XKRX: variants seen among roughly 807,000 people sequenced by gnomAD.
The protein encoded by XKRX is XK-related protein 2.
Under a neutral mutation model 22.4 loss-of-function variants are expected in XKRX, and 11 were observed. The ratio of observed to expected loss-of-function variants is 0.49; its 90% CI spans 0.31 to 0.81. The LOEUF (loss-of-function observed/expected upper bound fraction) is 0.81. Ranked by LOEUF, XKRX falls within the 40% of genes least tolerant of loss-of-function variation. The pLI is 0.05. For synonymous variants in XKRX, 114 were observed against 132.2 expected (o/e 0.86, Z 0.94); for missense variants, 320 against 336.5 (o/e 0.95, Z 0.38).
At chrX:100,937,608 C>T in the XKRX span, among the ~76,000 whole-genome samples, 6 of 111,628 alleles carry the variant, frequency 5.4e-5, no homozygotes, top group African/African-American at 2.0e-4. Flanking sequence ...TATCCATCAT[C>T]CTAGTGTTGA....
Position 100,915,088 on chromosome X carries a change from T to TAAAAAC in XKRX, c.605-11_605-6dup, listed in dbSNP as rs57280405. On this transcript the variant is annotated splice_region_variant and splice_polypyrimidine_tract_variant and intron_variant, in intron 2 of 2. Coordinates refer to ENST00000372956, the MANE Select transcript of XKRX (RefSeq NM_212559.3). Reference sequence around the variant, plus strand: ...GGGAAAATACCATTAGCACAACTGTTAAAAACAAAAACAAAAACAAAAACA... The same window carrying TAAAAAC: ...GGGAAAATACCATTAGCACAACTGTTAAAAACAAAAACAAAAACAAAAACAAAAACA... The TAAAAAC allele has an allele frequency of 3.1e-4, 368 of 1,198,576 alleles. No individual in the cohort carries two copies. The highest frequency in any genetic ancestry group is 3.1e-4 in the Non-Finnish European group (278 of 889,784).
the XKRX span, among the ~76,000 whole-genome samples, chrX:100,889,796 G>A: frequency 1.8e-5 from 2 of 111,540 alleles, no homozygotes; most frequent in East Asian, 5.6e-4. Flanking sequence ...TTGAGCCCAG[G>A]AGTTTGGGAC....
At chrX:100,958,057 CTCAA>C in the XKRX span, among the ~76,000 whole-genome samples, 12 of 111,704 alleles carry the variant, frequency 1.1e-4, no homozygotes, top group Non-Finnish European at 1.7e-4. Flanking sequence ...ATCTGAAATC[CTCAA>C]TCAATCAATC....
At chrX:100,923,837 CTTT>C (rs745938618) in intron 1 of XKRX, among the ~76,000 whole-genome samples, 5 of 88,141 alleles carry the variant, frequency 5.7e-5, no homozygotes, top group Admixed American at 4.2e-4. Context: ...TTCTTTCTTT[CTTT>C]TTTTTTTTTT....
upstream of XKRX, among the ~76,000 whole-genome samples, chrX:100,930,331 G>GATT (rs2085517356): frequency 9.3e-6 from 1 of 107,946 alleles, no homozygotes; most frequent in South Asian, 4.0e-4. Context: ...TAATAATGAT[G>GATT]ATTATGTAGC....
intron 2 of XKRX, among the ~76,000 whole-genome samples, chrX:100,922,545 T>C (rs773101821): frequency 2.4e-4 from 27 of 112,596 alleles, no homozygotes; most frequent in African/African-American, 8.7e-4. Context: ...CTCCCAGTGC[T>C]GTCCGATAGA....
At chrX:100,948,018 T>C in the XKRX span, among the ~76,000 whole-genome samples, 1 of 107,734 alleles carries the variant, frequency 9.3e-6, no homozygotes, top group South Asian at 4.2e-4. Flanking sequence ...TCCTCTTACC[T>C]CAGCCTCCCA....
chrX:100,917,636 A>AAGAAAGAAAGAAAGAAAGAAAGAAAG, intron 2 of XKRX, among the ~76,000 whole-genome samples: 1 of 49,862 alleles, frequency 2.0e-5, no homozygotes, highest in African/African-American at 1.1e-4. Flanking sequence ...GAAAGAAAGA[A>AAGAAAGAAAGAAAGAAAGAAAGAAAG]GAAAGAAAGA....
At position 100,928,194 on chromosome X, in the gene XKRX, G is replaced by A. The variant is rs1345384331; in HGVS notation, c.111C>T (p.Ile37=). The A allele has an allele frequency of 8.3e-7, 1 of 1,210,211 alleles. No individual in the cohort carries two copies. Among genetic ancestry groups the A allele is most frequent in the African/African-American group, 1.7e-5 (1 of 57,219 alleles). The part of the protein sequence containing the change: ...ANPRFTFPFS[I]LFSTFLYCGE... ...CACAGTACAAAAAGGTGGAGAAAAG[G>A]ATGCTAAATGGAAAAGTAAATCGGG... Residue 37 remains isoleucine (I), a synonymous_variant, in exon 1 of 3, where the codon ATC becomes ATT. Transcript: ENST00000372956.
At chrX:100,901,415 A>G in the XKRX span, among the ~76,000 whole-genome samples, 1 of 111,728 alleles carries the variant, frequency 9.0e-6, no homozygotes, top group Admixed American at 9.6e-5. Flanking sequence ...TAATAATAAA[A>G]TGGTCAATTC....
chrX:100,944,955 A>G, the XKRX span, among the ~76,000 whole-genome samples: 2 of 111,815 alleles, frequency 1.8e-5, no homozygotes, highest in Non-Finnish European at 3.8e-5. Context: ...AGTGTTAAAG[A>G]GCATAGAAGG....
the XKRX span, among the ~76,000 whole-genome samples, chrX:100,907,480 G>A: frequency 8.5e-3 from 948 of 112,092 alleles, 8 homozygotes; most frequent in Non-Finnish European, 0.013. Context: ...GATTACAGGC[G>A]TGAGCCACCA....
At chrX:100,957,526 A>G in the XKRX span, 2 of 1,143,065 alleles carry the variant, frequency 1.7e-6, no homozygotes, top group Non-Finnish European at 2.4e-6. Context: ...ACAAACAGCG[A>G]AGCTGTTGGT....
At chrX:100,940,861 A>T in the XKRX span, among the ~76,000 whole-genome samples, 1 of 111,642 alleles carries the variant, frequency 9.0e-6, no homozygotes, top group African/African-American at 3.3e-5. Flanking sequence ...TCCCAATATG[A>T]GTGCTCTATT....
chrX:100,940,327 A>G, the XKRX span, among the ~76,000 whole-genome samples: 1 of 111,882 alleles, frequency 8.9e-6, no homozygotes, highest in Non-Finnish European at 1.9e-5. Context: ...TGAACCAAGG[A>G]AGTCAGGCTT....
the XKRX span, among the ~76,000 whole-genome samples, chrX:100,891,484 A>G: frequency 9.0e-6 from 1 of 111,268 alleles, no homozygotes; most frequent in African/African-American, 3.3e-5. Flanking sequence ...TAATGGCATA[A>G]AAAAGACATA....
intron 2 of XKRX, among the ~76,000 whole-genome samples, chrX:100,916,109 A>ACG (rs1230352579): frequency 9.2e-6 from 1 of 108,404 alleles, no homozygotes; most frequent in Non-Finnish European, 1.9e-5. Context: ...ACACACACAC[A>ACG]CGTACAAAAA....
At chrX:100,912,141 C>CAGT (rs2085409262), downstream of XKRX, among the ~76,000 whole-genome samples, 1 of 111,850 alleles carries the variant, frequency 8.9e-6, no homozygotes, top group African/African-American at 3.2e-5. Flanking sequence ...CTTGAGGGTA[C>CAGT]AGTGACTATT....
the XKRX span, among the ~76,000 whole-genome samples, chrX:100,895,162 G>A: frequency 8.9e-6 from 1 of 111,921 alleles, no homozygotes; most frequent in Non-Finnish European, 1.9e-5. Flanking sequence ...ACTGTCCCCA[G>A]CCTAGGCTGG....
Sources: gnomAD v4.1 joint callset for allele counts (sites outside exome capture counted in the v4.1 genomes callset) on GRCh38, gnomAD v4.1.1 for gene constraint, MANE v1.5 for transcripts, NCBI Gene and HGNC (gene_info 2026-07-23, HGNC 2026-07-21) for gene names.